The following TTL variants were observed in gnomAD, a reference collection of about 807,000 sequenced individuals.
TTL encodes the protein tubulin--tyrosine ligase.
In TTL, 10 loss-of-function variants were observed where a neutral mutation model predicts 41.1. The ratio of observed to expected loss-of-function variants is 0.24; its 90% CI spans 0.15 to 0.41. TTL has a LOEUF of 0.41. TTL is among the 10% of genes least tolerant of loss of function. TTL has a pLI of 1.00. For missense variants in TTL, 367 were observed against 460.4 expected, an observed-to-expected ratio of 0.80 and a Z score of 1.86; for synonymous variants, 175 against 175.5, an observed-to-expected ratio of 1.00 and a Z score of 0.02.
At chr2:112,496,709 AT>A (rs1311299876) in intron 3 of TTL, among the ~76,000 whole-genome samples, 12,147 of 56,078 alleles carry the variant, frequency 0.22, 794 homozygotes, top group East Asian at 0.42. Context: ...GTGTGTGTGT[AT>A]TTTTTTTTTT....
intron 5 of TTL, among the ~76,000 whole-genome samples, chr2:112,503,805 C>CTTTTTTTTT (rs70963002): frequency 2.0e-5 from 2 of 102,540 alleles, no homozygotes; most frequent in African/African-American, 7.6e-5. Flanking sequence ...CCGTAAACTT[C>CTTTTTTTTT]TTTTTTTTTT....
At position 112,482,277 on chromosome 2, in the gene TTL, G is replaced by A. The variant is rs1681107615; in HGVS notation, c.-68G>A. On this transcript the variant is annotated 5_prime_UTR_variant, in exon 1 of 7. Transcript: ENST00000233336. The surrounding 1 kb of genome is among the most constrained non-coding windows in gnomAD (Gnocchi z 5.3). Reference sequence around the variant, plus strand: ...CGGGCGCCCGGGCGGGGTCCGCGCTGAGCCGCCTTCTCGGCCGCCTGGTCC... The same window carrying A: ...CGGGCGCCCGGGCGGGGTCCGCGCTAAGCCGCCTTCTCGGCCGCCTGGTCC... The A allele has an allele frequency of 8.7e-7, 1 of 1,146,870 alleles. No homozygotes were observed. Among genetic ancestry groups the A allele is most frequent in the East Asian group, 6.8e-5 (1 of 14,604 alleles). 71.0% of individuals were successfully genotyped at this position (1,146,870 alleles called of 1,614,324 possible).
At chr2:112,493,956 A>G (rs1681459429) in intron 2 of TTL, among the ~76,000 whole-genome samples, 187 bp from the exon 3 acceptor site, 1 of 152,206 alleles carries the variant, frequency 6.6e-6, no homozygotes, top group African/African-American at 2.4e-5. Context: ...GGTTGCATCT[A>G]ACAGCTGTGC....
chr2:112,492,894 TA>T (rs966246883), intron 2 of TTL, among the ~76,000 whole-genome samples: 1 of 151,588 alleles, frequency 6.6e-6, no homozygotes, highest in Non-Finnish European at 1.5e-5. Flanking sequence ...CCGTCTCAAA[TA>T]AAAAAAATAA....
rs1360194619 is a variant in TTL, at chr2:112,482,737, C to T, written c.157+236C>T. Among the ~76,000 whole-genome samples the T allele has an allele frequency of 6.6e-6, 1 of 151,984 alleles. No individual in the cohort carries two copies. Among genetic ancestry groups the T allele is most frequent in the Non-Finnish European group, 1.5e-5 (1 of 67,986 alleles). ...GTGCGGCCACTCGGGGCCGCAGCTA[C>T]CTCCCGACGGTGACCGGTCCCTGCA... On this transcript the variant is annotated intron_variant, in intron 1 of 6. Coordinates refer to ENST00000233336, the MANE Select transcript of TTL (RefSeq NM_153712.5). The surrounding 1 kb of genome is among the most constrained non-coding windows in gnomAD (Gnocchi z 5.3).
In TTL at chr2:112,520,297, C is replaced by T. The variant is rs757506350; in HGVS notation, c.891C>T (p.Ser297=). ...TGCCTCATAGGAACTGCCTCCTGAGCGTGGAGCCTGCCATTAGCACCAAGC... is the reference window on the plus strand; with the variant it reads ...TGCCTCATAGGAACTGCCTCCTGAGTGTGGAGCCTGCCATTAGCACCAAGC... ...IKHIIRNCLL[S]VEPAISTKHL... The change falls in exon 6 of 7, where the codon AGC becomes AGT. Residue 297 remains serine, a synonymous_variant. Transcript: ENST00000233336. The T allele has an allele frequency of 3.2e-5, 52 of 1,614,030 alleles. No individual in the cohort carries two copies. Among genetic ancestry groups the T allele is most frequent in the Non-Finnish European group, 4.0e-5 (47 of 1,180,022 alleles).
chr2:112,511,560 C>CT (rs888194472), intron 5 of TTL, among the ~76,000 whole-genome samples: 3 of 150,162 alleles, frequency 2.0e-5, no homozygotes, highest in Non-Finnish European at 4.5e-5. Context: ...GTTTTCTTTT[C>CT]TTTTTTTTTC....
intron 3 of TTL, among the ~76,000 whole-genome samples, chr2:112,496,708 T>TGA (rs71385870): frequency 9.0e-6 from 1 of 111,278 alleles, no homozygotes; most frequent in Non-Finnish European, 1.9e-5. Flanking sequence ...TGTGTGTGTG[T>TGA]ATTTTTTTTT....
At chr2:112,500,511 C>G (rs1472863479) in intron 3 of TTL, among the ~76,000 whole-genome samples, 1 of 152,144 alleles carries the variant, frequency 6.6e-6, no homozygotes, top group Non-Finnish European at 1.5e-5. Flanking sequence ...GCGAAGGTTA[C>G]AGTGAGCTGA....
rs1026279925 is a variant in TTL, at chr2:112,530,725, T to C, written c.*1930T>C. ...TTCACGAGTTTTCTAGCCCTCACAG[T>C]AACAGAGCTAAGAATTCAGATGTCA... On this transcript the variant is annotated 3_prime_UTR_variant, in exon 7 of 7. Transcript: ENST00000233336. 1.5e-5 allele frequency: 3 copies of C among 205,954 alleles called. No homozygotes were observed. Among genetic ancestry groups the C allele is most frequent in the African/African-American group, 6.8e-5 (3 of 43,802 alleles). 12.8% of individuals were successfully genotyped at this position (205,954 alleles called of 1,614,324 possible).
intron 3 of TTL, among the ~76,000 whole-genome samples, 175 bp from the exon 4 acceptor site, chr2:112,501,031 C>T (rs576309229): frequency 6.1e-5 from 9 of 147,916 alleles, no homozygotes; most frequent in Admixed American, 2.7e-4. Context: ...ATCCTGGGTG[C>T]TCTTGAGGGG....
At chr2:112,528,177 G>C (rs948224838) in intron 6 of TTL, among the ~76,000 whole-genome samples, 9 of 152,206 alleles carry the variant, frequency 5.9e-5, no homozygotes, top group African/African-American at 2.2e-4. Flanking sequence ...TCTGCCGAGA[G>C]ATCCGCTATT....
intron 2 of TTL, among the ~76,000 whole-genome samples, chr2:112,488,735 G>A (rs1234748792): frequency 6.6e-6 from 1 of 150,528 alleles, no homozygotes; most frequent in Admixed American, 6.7e-5. Context: ...TCCAGCTTGG[G>A]AGACAGAGTG....
chr2:112,501,443 A>G (rs1023867279), intron 4 of TTL, 102 bp downstream of exon 4: 130 of 997,908 alleles, frequency 1.3e-4, no homozygotes, highest in Admixed American at 1.7e-4. Context: ...GCGTTTGACC[A>G]TGTTTAATAT....
intron 5 of TTL, among the ~76,000 whole-genome samples, chr2:112,518,270 C>T (rs565339273): frequency 4.2e-4 from 64 of 151,570 alleles, no homozygotes; most frequent in African/African-American, 1.4e-3. Flanking sequence ...TGAGCCACCT[C>T]GCCCAGCCAA....
In TTL at chr2:112,530,559, T is replaced by C. The variant is rs1335943525; in HGVS notation, c.*1764T>C. 1 of 228,210 alleles carries C rather than the reference T, an allele frequency of 4.4e-6. No homozygotes were observed. The highest frequency in any genetic ancestry group is 8.7e-6 in the Non-Finnish European group (1 of 114,990). 14.1% of individuals were successfully genotyped at this position (228,210 alleles called of 1,614,324 possible). On this transcript the variant is annotated 3_prime_UTR_variant, in exon 7 of 7. Coordinates refer to ENST00000233336, the MANE Select transcript of TTL (RefSeq NM_153712.5). ...TCTGATCGGATCCTGGGAAGATGTA[T>C]ACCCAGTTAGAACGTGTAGGGTTCT...
Position 112,531,985 on chromosome 2 carries a change from A to G in TTL, c.*3190A>G, listed in dbSNP as rs1191807867. 1 of 227,512 alleles carries G rather than the reference A, an allele frequency of 4.4e-6. No homozygotes were observed. The highest frequency in any genetic ancestry group is 8.7e-6 in the Non-Finnish European group (1 of 114,606). The allele number at this position is 227,512 out of a possible 1,614,324, so 14.1% of individuals were successfully genotyped here. On this transcript the variant is annotated 3_prime_UTR_variant, in exon 7 of 7. Coordinates refer to ENST00000233336, the MANE Select transcript of TTL (RefSeq NM_153712.5). The stretch of plus-strand genomic sequence containing the variant: ...GGCAATTATGAACTCCATTTTACCA[A>G]GAACATTTAAGTGCCTCAGCATCTG...
chr2:112,490,983 C>G (rs542987358), intron 2 of TTL, among the ~76,000 whole-genome samples: 1 of 151,904 alleles, frequency 6.6e-6, no homozygotes, highest in East Asian at 1.9e-4. Flanking sequence ...TTTAAAATAT[C>G]TATACTATGA....
intron 5 of TTL, 59 bp from the exon 6 acceptor site, chr2:112,520,223 T>C: frequency 3.1e-6 from 5 of 1,595,022 alleles, no homozygotes; most frequent in Non-Finnish European, 4.3e-6. Flanking sequence ...GCACACCTCA[T>C]GTCTTCCTTC....
Sources: gnomAD v4.1 joint callset for allele counts (sites outside exome capture counted in the v4.1 genomes callset) on GRCh38, gnomAD v4.1.1 for gene constraint, Gnocchi (gnomAD v3.1) non-coding constraint, MANE v1.5 for transcripts, NCBI Gene and HGNC (gene_info 2026-07-23, HGNC 2026-07-21) for gene names.